Variants in FANCM observed in about 807,000 individuals in gnomAD.
FANCM encodes the protein Fanconi anemia group M protein.
A neutral mutation model predicts 199.5 loss-of-function variants in FANCM; 140 were observed. The ratio of observed to expected loss-of-function variants is 0.70; its 90% CI spans 0.61 to 0.81. The LOEUF (loss-of-function observed/expected upper bound fraction) is 0.81. Ranked by LOEUF, FANCM falls within the 30% of genes least tolerant of loss-of-function variation. FANCM has a pLI of 0.00. For missense variants in FANCM, 2,410 were observed against 2,421.4 expected (o/e 1.00, Z 0.10); for synonymous variants, 840 against 836.8 (o/e 1.00, Z -0.07).
At chr14:45,142,111 G>A (rs908015283) in intron 3 of FANCM, among the ~76,000 whole-genome samples, 2 of 151,962 alleles carry the variant, frequency 1.3e-5, no homozygotes, top group Non-Finnish European at 2.9e-5. Context: ...TAATGTTAAC[G>A]TATCATATAA....
chr14:45,186,322 T>C (rs1241603382), intron 18 of FANCM, among the ~76,000 whole-genome samples: 1 of 152,246 alleles, frequency 6.6e-6, no homozygotes, highest in African/African-American at 2.4e-5. Context: ...GCTAAATTTA[T>C]TAAATTTGCC....
chr14:45,147,093 A>G (rs574740301), intron 3 of FANCM, among the ~76,000 whole-genome samples: 22 of 152,176 alleles, frequency 1.4e-4, no homozygotes, highest in African/African-American at 5.3e-4. Flanking sequence ...TATTTCTTTC[A>G]TGAATGAACT....
intron 11 of FANCM, among the ~76,000 whole-genome samples, 193 bp from the exon 12 acceptor site, chr14:45,170,396 A>T (rs529015003): frequency 6.6e-6 from 1 of 152,176 alleles, no homozygotes; most frequent in South Asian, 2.1e-4. Context: ...GCCTGGTGGC[A>T]TGAGCCTGTA....
intron 8 of FANCM, among the ~76,000 whole-genome samples, chr14:45,156,656 A>G (rs1887209606): frequency 1.3e-5 from 2 of 152,166 alleles, no homozygotes; most frequent in African/African-American, 4.8e-5. Flanking sequence ...GCAGTGGCTC[A>G]CACCTGTAAT....
chr14:45,147,354 G>A (rs566981730), intron 3 of FANCM, among the ~76,000 whole-genome samples: 4 of 150,294 alleles, frequency 2.7e-5, no homozygotes, highest in African/African-American at 9.8e-5. Context: ...CTGTCACCCA[G>A]GCTGGAATAC....
At chr14:45,149,340 T>C (rs1886658822) in intron 4 of FANCM, among the ~76,000 whole-genome samples, 1 of 152,074 alleles carries the variant, frequency 6.6e-6, no homozygotes, top group Non-Finnish European at 1.5e-5. Context: ...CATAAGTGTA[T>C]TGCTCAGTGA....
intron 2 of FANCM, among the ~76,000 whole-genome samples, chr14:45,138,721 GA>G (rs1295796624): frequency 1.3e-5 from 2 of 152,120 alleles, no homozygotes; most frequent in East Asian, 1.9e-4. Context: ...CTAGGCATTA[GA>G]TTTTTTTTTA....
rs974750486 is a variant in FANCM at position 45,136,082 on chromosome 14, C to T, written c.51C>T (p.Ser17=). 5 of 1,614,040 alleles carry T rather than the reference C, an allele frequency of 3.1e-6. No individual in the cohort carries two copies. In the East Asian group the frequency reaches 1.1e-4, roughly 36 times the overall value. The part of the protein sequence containing the change: ...TLFQTWGSSI[S]RSSGTPGCSS... ...TTCAGACGTGGGGCTCAAGTATCTC[C>T]CGATCATCTGGGACTCCGGGTTGCA... Residue 17 remains serine, a synonymous_variant, in exon 1 of 23, where the codon TCC becomes TCT. Coordinates refer to ENST00000267430, the MANE Select transcript of FANCM (RefSeq NM_020937.4).
At chr14:45,162,713 G>C (rs1468503126) in intron 9 of FANCM, among the ~76,000 whole-genome samples, 2 of 152,082 alleles carry the variant, frequency 1.3e-5, no homozygotes, top group African/African-American at 2.4e-5. Context: ...TTGTGGAAAG[G>C]GTTCATGGAA....
In FANCM at chr14:45,194,776, G is replaced by A. The variant is rs888759103; in HGVS notation, c.5341-1396G>A. 2.0e-5 allele frequency among the ~76,000 whole-genome samples: 3 copies of A among 148,558 alleles called. No individual in the cohort carries two copies. The East Asian group carries it at 5.9e-4, about 29-fold the overall frequency. ...TGTAAAAAGTAAATGCATATGTAATGTTGCCAGATATTGCTAACTTCTCTA... is the reference window on the plus strand; with the variant it reads ...TGTAAAAAGTAAATGCATATGTAATATTGCCAGATATTGCTAACTTCTCTA... On this transcript the variant is annotated intron_variant, in intron 20 of 22. Coordinates refer to ENST00000267430, the MANE Select transcript of FANCM (RefSeq NM_020937.4).
rs140998495 is a variant in FANCM at position 45,151,519 on chromosome 14, G to T, written c.1041G>T (p.Pro347=). The change falls in exon 5 of 23, where the codon CCG becomes CCT. Residue 347 remains proline, a synonymous_variant. Transcript: ENST00000267430. ...ATCAGTTTAGGAAAAACCCATCTCC[G>T]AATATTGTGGTAGGTATTTTTAAAT... ...ARDQFRKNPS[P]NIVGIQQGII... 2 of 1,611,612 alleles carry T rather than the reference G, an allele frequency of 1.2e-6. No homozygotes were observed. The highest frequency in any genetic ancestry group is 1.7e-6 in the Non-Finnish European group (2 of 1,178,080).
chr14:45,184,805 T>C (rs1889289586), intron 17 of FANCM, among the ~76,000 whole-genome samples: 1 of 151,380 alleles, frequency 6.6e-6, no homozygotes, highest in Non-Finnish European at 1.5e-5. Flanking sequence ...AGAGTTTCGC[T>C]GTTACTGCCA....
chr14:45,185,241 G>A lies in FANCM; in HGVS notation c.4540G>A (p.Asp1514Asn). 1 of 1,604,060 alleles carries A rather than the reference G, an allele frequency of 6.2e-7. No homozygotes were observed. The change falls in exon 18 of 23, where the codon GAT becomes AAT. Residue 1514 changes from aspartate to asparagine, a missense_variant. Coordinates refer to ENST00000267430, the MANE Select transcript of FANCM (RefSeq NM_020937.4). ...GCATGTAGCTAGGAAGTTTTTAGAT[G>A]ATGAAGCAGAACTTTCTGAAGAAGA... ...LKHVARKFLD[D>N]EAELSEEDAE...
chr14:45,143,882 C>T (rs142059593), intron 3 of FANCM, among the ~76,000 whole-genome samples: 56 of 151,572 alleles, frequency 3.7e-4, no homozygotes, highest in East Asian at 1.8e-3. Flanking sequence ...TTAGTGGAGA[C>T]GGGGTTTCAC....
chr14:45,172,657 A>G (rs1229490593), intron 12 of FANCM, among the ~76,000 whole-genome samples: 1 of 152,104 alleles, frequency 6.6e-6, no homozygotes, highest in Non-Finnish European at 1.5e-5. Flanking sequence ...ATTTGATGTT[A>G]TTGTTTATTT....
intron 3 of FANCM, among the ~76,000 whole-genome samples, chr14:45,147,704 C>A (rs1886507955): frequency 6.6e-6 from 1 of 151,466 alleles, no homozygotes; most frequent in Non-Finnish European, 1.5e-5. Flanking sequence ...ACCAGTTAGG[C>A]CAACATGGTG....
intron 18 of FANCM, among the ~76,000 whole-genome samples, chr14:45,186,122 G>T (rs1889386256): frequency 1.3e-5 from 2 of 152,228 alleles, no homozygotes; most frequent in South Asian, 4.2e-4. Context: ...TCCAACTCCA[G>T]GCCTCAAGCA....
At chr14:45,198,564 T>TGCC in intron 21 of FANCM, 80 bp from the exon 22 acceptor site, 5 of 883,884 alleles carry the variant, frequency 5.7e-6, no homozygotes, top group South Asian at 2.4e-5. Context: ...ATCTTGGGAT[T>TGCC]TTAATAAAAT....
At position 45,176,596 on chromosome 14, in the gene FANCM, T is replaced by TA; in HGVS notation, c.3843dup (p.Pro1282ThrfsTer5). 9 of 1,609,692 alleles carry TA rather than the reference T, an allele frequency of 5.6e-6. No individual in the cohort carries two copies. Among genetic ancestry groups the TA allele is most frequent in the Non-Finnish European group, 7.6e-6 (9 of 1,178,144 alleles). ...AATTATGTTTCGAATCAAGCACTAATACCAAGAGATCATAGTAAAAATTTT... is the reference window on the plus strand; with the variant it reads ...AATTATGTTTCGAATCAAGCACTAATAACCAAGAGATCATAGTAAAAATTTT... On this transcript the variant is annotated frameshift_variant, in exon 14 of 23. Coordinates refer to ENST00000267430, the MANE Select transcript of FANCM (RefSeq NM_020937.4). LOFTEE classifies it high-confidence loss of function.
Sources: gnomAD v4.1 joint callset for allele counts (sites outside exome capture counted in the v4.1 genomes callset) on GRCh38, gnomAD v4.1.1 for gene constraint, MANE v1.5 for transcripts, NCBI Gene and HGNC (gene_info 2026-07-23, HGNC 2026-07-21) for gene names.